Variants in PPP1R7 observed in about 807,000 individuals in gnomAD.
PPP1R7 encodes protein phosphatase 1 regulatory subunit 22.
PPP1R7 carries 18 observed loss-of-function variants against 45.2 expected under a neutral mutation model. The ratio of observed to expected loss-of-function variants is 0.40; its 90% confidence interval spans 0.28 to 0.59. The LOEUF is 0.59. PPP1R7 is among the 20% of genes least tolerant of loss of function. PPP1R7 has a pLI of 0.46. For synonymous variants in PPP1R7, 181 were observed against 183.4 expected (o/e 0.99, Z 0.11); for missense variants, 314 against 455.8 (o/e 0.69, Z 2.83).
chr2:241,170,554 G>A (rs146065460), intron 9 of PPP1R7, among the ~76,000 whole-genome samples: 17 of 152,334 alleles, frequency 1.1e-4, no homozygotes, highest in East Asian at 7.7e-4. Context: ...CAGAGACTGC[G>A]GCACAGGTGT....
intron 2 of PPP1R7, among the ~76,000 whole-genome samples, chr2:241,157,486 A>G (rs1003225466): frequency 2.0e-5 from 3 of 152,232 alleles, no homozygotes; most frequent in Non-Finnish European, 2.9e-5. Context: ...GCACTCAGCT[A>G]CTTCCTCCCC....
chr2:241,175,967 G>A (rs1217465383), intron 9 of PPP1R7, among the ~76,000 whole-genome samples: 10 of 152,100 alleles, frequency 6.6e-5, no homozygotes, highest in Admixed American at 6.6e-4. Flanking sequence ...TAGCAGAGAC[G>A]GGGTTTCACC....
chr2:241,182,302 G>A (rs2149075056), intron 9 of PPP1R7, among the ~76,000 whole-genome samples: 1 of 152,352 alleles, frequency 6.6e-6, no homozygotes, highest in South Asian at 2.1e-4. Context: ...GAACTGGTTT[G>A]TAGAAAGTGC....
chr2:241,157,970 C>T, intron 3 of PPP1R7, 108 bp downstream of exon 3: 1 of 1,157,106 alleles, frequency 8.6e-7, no homozygotes, highest in East Asian at 2.5e-5. Context: ...GCCTAAGCCT[C>T]CCTTGGTTGA....
chr2:241,154,598 A>G (rs2067405857), intron 2 of PPP1R7, among the ~76,000 whole-genome samples: 4 of 152,178 alleles, frequency 2.6e-5, no homozygotes, highest in Admixed American at 2.0e-4. Context: ...CCAGCTACTC[A>G]GGAGGCTGAG....
At chr2:241,157,761 C>T in intron 2 of PPP1R7, 46 bp from the exon 3 acceptor site, 1 of 1,574,858 alleles carries the variant, frequency 6.3e-7, no homozygotes, top group Non-Finnish European at 8.7e-7. Context: ...ACCAGTGCCT[C>T]CTGTTAATGG....
At chr2:241,150,325 G>GAGGCCAGGC, upstream of PPP1R7, 1 of 1,323,934 alleles carries the variant, frequency 7.6e-7, no homozygotes, top group Non-Finnish European at 9.7e-7. Flanking sequence ...GGCGCGGCGC[G>GAGGCCAGGC]CGGCCTCATG....
At chr2:241,178,518 G>A (rs1283453237) in intron 9 of PPP1R7, among the ~76,000 whole-genome samples, 16 of 143,356 alleles carry the variant, frequency 1.1e-4, no homozygotes, top group East Asian at 4.2e-4. Context: ...GTGCAGTGGC[G>A]TGATCTCGGC....
intron 8 of PPP1R7, among the ~76,000 whole-genome samples, chr2:241,167,420 A>C (rs932488542): frequency 1.3e-5 from 2 of 151,226 alleles, no homozygotes; most frequent in African/African-American, 4.8e-5. Context: ...ATGCAAACCA[A>C]GTGTTCACCT....
intron 6 of PPP1R7, 117 bp from the exon 7 acceptor site, chr2:241,163,168 C>T: frequency 2.9e-6 from 2 of 678,138 alleles, no homozygotes; most frequent in Non-Finnish European, 5.3e-6. Flanking sequence ...AGATACGTCA[C>T]TAGCCCCACA....
chr2:241,168,937 G>A (rs1434868534), intron 8 of PPP1R7, among the ~76,000 whole-genome samples: 5 of 152,228 alleles, frequency 3.3e-5, no homozygotes, highest in Non-Finnish European at 7.3e-5. Context: ...CCAAGGAAGG[G>A]ACTCAGGAGG....
At chr2:241,150,202 T>C, upstream of PPP1R7, 1 of 1,273,244 alleles carries the variant, frequency 7.9e-7, no homozygotes, top group Non-Finnish European at 9.9e-7. Context: ...CCACTCCGTC[T>C]GCCTGCAGCT....
At chr2:241,173,533 G>A (rs6720339) in intron 9 of PPP1R7, among the ~76,000 whole-genome samples, 117,159 of 152,114 alleles carry the variant, frequency 0.77, 45,293 homozygotes, top group East Asian at 0.92. Context: ...CTTGAATATA[G>A]CGTGCCATGG....
intron 8 of PPP1R7, chr2:241,167,168 C>A: frequency 1.7e-6 from 2 of 1,205,816 alleles, no homozygotes; most frequent in Non-Finnish European, 2.3e-6. Context: ...GACTTTTTCT[C>A]ATTCAATTTT....
chr2:241,149,677 T>A (rs1403107951), upstream of PPP1R7: 2 of 1,547,856 alleles, frequency 1.3e-6, no homozygotes, highest in Non-Finnish European at 1.7e-6. Context: ...GCCGGGCAGA[T>A]GCGGTTTCCT....
chr2:241,153,641 TG>T (rs749142120), intron 2 of PPP1R7, 37 bp downstream of exon 2: 1 of 1,607,984 alleles, frequency 6.2e-7, no homozygotes, highest in Non-Finnish European at 8.5e-7. Flanking sequence ...ATCTGCTGGT[TG>T]GGGGATGTGG....
At position 241,172,905 on chromosome 2, in the gene PPP1R7, T is replaced by C. The variant is rs13415754; in HGVS notation, c.906+3038T>C. On this transcript the variant is annotated intron_variant, in intron 9 of 9. Coordinates refer to ENST00000234038, the MANE Select transcript of PPP1R7 (RefSeq NM_002712.3). The stretch of plus-strand genomic sequence containing the variant: ...GCTTGAGAGATTTTTTTTTCCTTTT[T>C]AAGTACATTAAATACTTTGTTCTTT... Among the ~76,000 whole-genome samples, 1,367 of 152,134 alleles carry C rather than the reference T, an allele frequency of 9.0e-3. 24 individuals are homozygous for C. The highest frequency in any genetic ancestry group is 0.03 in the African/African-American group (1,265 of 41,548).
chr2:241,163,380 C>T lies in PPP1R7; in HGVS notation c.693C>T (p.Asn231=), dbSNP rs2067637347. ...TKLQNLDALT[N]LTVLSMQSNR... is the part of the protein sequence containing the mutation. ...TTCAGAACCTGGATGCGCTCACCAA[C>T]CTGACAGTCCTCAGTATGCAGGTAC... The change falls in exon 7 of 10, where the codon AAC becomes AAT. Residue 231 remains asparagine (N), a synonymous_variant. Transcript: ENST00000234038. 1.2e-6 allele frequency: 2 copies of T among 1,612,514 alleles called. No individual in the cohort carries two copies. Among genetic ancestry groups the T allele is most frequent in the Admixed American group, 3.3e-5 (2 of 60,016 alleles).
At chr2:241,161,954 T>C (rs1010517544) in intron 6 of PPP1R7, among the ~76,000 whole-genome samples, 20 of 152,188 alleles carry the variant, frequency 1.3e-4, no homozygotes, top group African/African-American at 4.8e-4. Context: ...ATGTTCAGAA[T>C]GCCCCTCTAC....
Sources: gnomAD v4.1 joint callset for allele counts (sites outside exome capture counted in the v4.1 genomes callset) on GRCh38, gnomAD v4.1.1 for gene constraint, MANE v1.5 for transcripts, NCBI Gene and HGNC (gene_info 2026-07-23, HGNC 2026-07-21) for gene names.